CACNA1D: variants seen among roughly 807,000 people sequenced by gnomAD.
CACNA1D encodes calcium voltage-gated channel subunit alpha1 D.
Under a neutral mutation model 257.1 loss-of-function variants are expected in CACNA1D, and 55 were observed. That is an observed-to-expected ratio of 0.21 (90% CI 0.17 to 0.27). The LOEUF (loss-of-function observed/expected upper bound fraction) is 0.27, where lower values mean the gene tolerates loss of function less well. Among genes scored for constraint, CACNA1D ranks in the 10% least tolerant of loss-of-function variants. The pLI is 1.00. For synonymous variants in CACNA1D, 980 were observed against 1,014.9 expected, an observed-to-expected ratio of 0.97 and a Z score of 0.65; for missense variants, 1,876 against 2,784.0, an observed-to-expected ratio of 0.67 and a Z score of 7.34.
intron 37 of CACNA1D, among the ~76,000 whole-genome samples, chr3:53,777,985 G>A (rs1228338409): frequency 6.6e-6 from 1 of 152,192 alleles, no homozygotes; most frequent in Non-Finnish European, 1.5e-5. Flanking sequence ...AGATCCTGGG[G>A]TCAGGCGTTT....
chr3:53,548,137 C>T lies in CACNA1D; in HGVS notation c.483+46417C>T, dbSNP rs1014516276. Among the ~76,000 whole-genome samples, 7 of 152,136 alleles carry T rather than the reference C, an allele frequency of 4.6e-5. 1 individual carries two copies. The highest frequency in any genetic ancestry group is 4.1e-4 in the South Asian group (2 of 4,820). ...TTTCTCTTGGTCCTTTGATTCTTTC[C>T]GCCTTCGTCTTTCCTTTTTCTTTCT... is the stretch of plus-strand genomic sequence containing the variant. On this transcript the variant is annotated intron_variant, in intron 3 of 47. Coordinates refer to ENST00000350061, the MANE Select transcript of CACNA1D (RefSeq NM_001128840.3).
intron 3 of CACNA1D, among the ~76,000 whole-genome samples, chr3:53,554,183 G>A (rs1212094004): frequency 6.7e-6 from 1 of 148,670 alleles, no homozygotes; most frequent in Non-Finnish European, 1.5e-5. Flanking sequence ...GCAACAGAGT[G>A]AGACTCTGTC....
At chr3:53,654,242 A>G (rs1424780368) in intron 4 of CACNA1D, among the ~76,000 whole-genome samples, 3 of 152,226 alleles carry the variant, frequency 2.0e-5, no homozygotes, top group Non-Finnish European at 4.4e-5. Flanking sequence ...GTGGCTCTAC[A>G]CAAAAAAGAA....
intron 10 of CACNA1D, among the ~76,000 whole-genome samples, chr3:53,719,446 G>T (rs922157095): frequency 2.6e-5 from 4 of 152,160 alleles, no homozygotes; most frequent in African/African-American, 4.8e-5. Flanking sequence ...TGCTGCTGTC[G>T]AGATGAGTGG....
chr3:53,760,832 T>C (rs1473799490), intron 29 of CACNA1D, among the ~76,000 whole-genome samples: 1 of 152,192 alleles, frequency 6.6e-6, no homozygotes, highest in Non-Finnish European at 1.5e-5. Context: ...AAAGGGGACA[T>C]TGCCCATGTC....
intron 3 of CACNA1D, among the ~76,000 whole-genome samples, chr3:53,615,514 C>T (rs140721753): frequency 6.6e-6 from 1 of 152,338 alleles, no homozygotes; most frequent in African/African-American, 2.4e-5. Context: ...TCGGTGGAAC[C>T]ACTGCTTTAT....
At position 53,800,207 on chromosome 3, in the gene CACNA1D, C is replaced by T. The variant is rs755163688; in HGVS notation, c.4924-42C>T. On this transcript the variant is annotated intron_variant, in intron 40 of 47. Transcript: ENST00000350061. This position sits in a 1 kb window ranked among gnomAD's most constrained non-coding sequence, Gnocchi z 4.3. ...CCAGGACCCAGGCTGGCCCCAGGGCCCATGTGTGGTCTAACCTGTTCTGCC... is the reference window on the plus strand; with the variant it reads ...CCAGGACCCAGGCTGGCCCCAGGGCTCATGTGTGGTCTAACCTGTTCTGCC... 9 of 1,387,982 alleles carry T rather than the reference C, an allele frequency of 6.5e-6. No individual in the cohort carries two copies. The highest frequency in any genetic ancestry group is 1.2e-5 in the South Asian group (1 of 86,616). The allele number at this position is 1,387,982 out of a possible 1,614,324, so 86.0% of individuals were successfully genotyped here. A position where few individuals can be genotyped will look rare whatever the true frequency, so the allele number is the denominator to read the frequency against.
At chr3:53,720,642 C>T (rs1291128396) in intron 11 of CACNA1D, among the ~76,000 whole-genome samples, 1 of 152,140 alleles carries the variant, frequency 6.6e-6, no homozygotes, top group East Asian at 1.9e-4. Context: ...GGCAGATAAG[C>T]ACATGAAATG....
At chr3:53,580,778 G>A (rs2093119716) in intron 3 of CACNA1D, among the ~76,000 whole-genome samples, 1 of 152,208 alleles carries the variant, frequency 6.6e-6, no homozygotes, top group Non-Finnish European at 1.5e-5. Context: ...TTAAATTGCA[G>A]AAGTTCATTG....
intron 3 of CACNA1D, among the ~76,000 whole-genome samples, chr3:53,582,443 G>A (rs1010497300): frequency 1.3e-5 from 2 of 152,130 alleles, no homozygotes; most frequent in Non-Finnish European, 2.9e-5. Flanking sequence ...GGAGGCCTTT[G>A]TCATGGTTAT....
chr3:53,708,780 C>T (rs2094718763), intron 9 of CACNA1D, among the ~76,000 whole-genome samples: 2 of 152,168 alleles, frequency 1.3e-5, no homozygotes, highest in Non-Finnish European at 2.9e-5. Flanking sequence ...ATTCTCTCTT[C>T]CTTCTCCTTA....
At chr3:53,590,785 G>C (rs2093292615) in intron 3 of CACNA1D, among the ~76,000 whole-genome samples, 2 of 152,308 alleles carry the variant, frequency 1.3e-5, no homozygotes, top group East Asian at 1.9e-4. Flanking sequence ...TCCTGGCATT[G>C]CCGAGAGGAT....
intron 1 of CACNA1D, among the ~76,000 whole-genome samples, chr3:53,496,252 G>A (rs1482714237): frequency 6.6e-6 from 1 of 152,216 alleles, no homozygotes; most frequent in African/African-American, 2.4e-5. Context: ...CCTGGGAGAT[G>A]GCCTGACCCA....
intron 20 of CACNA1D, 57 bp from the exon 21 acceptor site, chr3:53,740,223 C>A: frequency 8.4e-7 from 1 of 1,195,292 alleles, no homozygotes; most frequent in Non-Finnish European, 1.3e-6. Context: ...TGTAAGCATG[C>A]AGATGTCAGA....
chr3:53,731,272 A>G (rs1415516236), intron 17 of CACNA1D, 126 bp downstream of exon 17: 3 of 731,774 alleles, frequency 4.1e-6, no homozygotes, highest in Non-Finnish European at 7.4e-6. Context: ...TGTGAAGAAT[A>G]TGGCACACCA....
intron 18 of CACNA1D, 148 bp from the exon 19 acceptor site, chr3:53,732,667 A>G (rs1032573096): frequency 2.4e-5 from 19 of 783,490 alleles, no homozygotes; most frequent in Non-Finnish European, 3.6e-5. Flanking sequence ...CACTCAGTCC[A>G]TGTTCTGAAG....
In CACNA1D at chr3:53,740,211, C is replaced by T. The variant is rs1480444132; in HGVS notation, c.2752-69C>T. The T allele has an allele frequency of 4.5e-6, 5 of 1,119,852 alleles. No individual in the cohort carries two copies. The Admixed American group carries it at 6.7e-5, about 15-fold the overall frequency. The allele number at this position is 1,119,852 out of a possible 1,614,324, so 69.4% of individuals were successfully genotyped here. On this transcript the variant is annotated intron_variant, in intron 20 of 47. Coordinates refer to ENST00000350061, the MANE Select transcript of CACNA1D (RefSeq NM_001128840.3). ...TCTCTGACTGGATCGGGGGTTTCTG[C>T]CTGTAAGCATGCAGATGTCAGAGTT...
At chr3:53,617,545 C>T (rs1315247976) in intron 3 of CACNA1D, among the ~76,000 whole-genome samples, 4 of 152,164 alleles carry the variant, frequency 2.6e-5, no homozygotes, top group Non-Finnish European at 4.4e-5. Context: ...TAATGACTGG[C>T]TCCTAGGCAA....
At chr3:53,675,768 A>G (rs1384865889) in intron 8 of CACNA1D, among the ~76,000 whole-genome samples, 1 of 152,150 alleles carries the variant, frequency 6.6e-6, no homozygotes, top group Non-Finnish European at 1.5e-5. Flanking sequence ...TTTAAAAAAT[A>G]TTTTTTCATC....
Sources: allele counts gnomAD v4.1 joint callset (sites outside exome capture counted in the v4.1 genomes callset), GRCh38; gene constraint gnomAD v4.1.1; non-coding constraint Gnocchi (gnomAD v3.1); transcripts MANE v1.5; gene names NCBI Gene and HGNC (gene_info 2026-07-23, HGNC 2026-07-21).